The following NFIX variants were observed in gnomAD, a reference collection of about 807,000 sequenced individuals.
The protein encoded by NFIX is nuclear factor I X.
A neutral mutation model predicts 53.3 loss-of-function variants in NFIX; 2 were observed. The ratio of observed to expected loss-of-function variants is 0.04; its 90% CI spans 0.02 to 0.12. NFIX has a LOEUF of 0.12. Among genes scored for constraint, NFIX ranks in the 10% least tolerant of loss-of-function variants. The probability of loss-of-function intolerance (pLI) is 1.00; values close to 1 mark genes in which losing one functional copy is unlikely to be tolerated. For synonymous variants in NFIX, 244 were observed against 289.0 expected, an observed-to-expected ratio of 0.84 and a Z score of 1.58; for missense variants, 310 against 674.5, an observed-to-expected ratio of 0.46 and a Z score of 5.99.
chr19:13,024,779 G>A, intron 1 of NFIX: 2 of 1,484,222 alleles, frequency 1.3e-6, no homozygotes, highest in Non-Finnish European at 1.8e-6. Flanking sequence ...CGGTGCCTCT[G>A]TCTGGCTGCT....
In NFIX at chr19:13,009,033, A is replaced by T. The variant is rs1166637748; in HGVS notation, c.27+13169A>T. ...CAGTCCCAGTCCCACACACTGCCTCATCCCCACTCACAGTCAACGCCCGCA... is the reference window on the plus strand; with the variant it reads ...CAGTCCCAGTCCCACACACTGCCTCTTCCCCACTCACAGTCAACGCCCGCA... On this transcript the variant is annotated intron_variant, in intron 1 of 10. Coordinates refer to ENST00000592199, the MANE Select transcript of NFIX (RefSeq NM_001365902.3). The surrounding 1 kb of genome is among the most constrained non-coding windows in gnomAD (Gnocchi z 4.7). Among the ~76,000 whole-genome samples the T allele has an allele frequency of 6.6e-6, 1 of 152,154 alleles. No homozygotes were observed. The highest frequency in any genetic ancestry group is 1.5e-5 in the Non-Finnish European group (1 of 68,012).
intron 1 of NFIX, chr19:13,024,700 C>T (rs1404509058): frequency 2.6e-6 from 4 of 1,536,148 alleles, no homozygotes; most frequent in African/African-American, 1.4e-5. Flanking sequence ...TGGACGGCAA[C>T]GTTGTCTGTG....
chr19:13,077,222 C>T (rs1599852532), intron 6 of NFIX, among the ~76,000 whole-genome samples: 1 of 152,104 alleles, frequency 6.6e-6, no homozygotes, highest in South Asian at 2.1e-4. Flanking sequence ...GAGGAGCCCC[C>T]CTCTTCCTGG....
chr19:13,033,553 A>G (rs191871188), intron 2 of NFIX, among the ~76,000 whole-genome samples: 17 of 152,324 alleles, frequency 1.1e-4, no homozygotes, highest in Admixed American at 5.2e-4. Flanking sequence ...GGGACACCCA[A>G]TAACTTAAGG....
chr19:13,018,656 C>T (rs2012800714), intron 1 of NFIX, among the ~76,000 whole-genome samples: 1 of 152,166 alleles, frequency 6.6e-6, no homozygotes. Context: ...GAGGGGAGGC[C>T]CCACCCTCCT....
rs1213826607 is a variant in NFIX, at chr19:13,043,859, T to C, written c.559+18307T>C. Among the ~76,000 whole-genome samples the C allele has an allele frequency of 3.3e-5, 5 of 152,136 alleles. No homozygotes were observed. Among genetic ancestry groups the C allele is most frequent in the Non-Finnish European group, 7.4e-5 (5 of 68,016 alleles). On this transcript the variant is annotated intron_variant, in intron 2 of 10. Transcript: ENST00000592199. The surrounding 1 kb of genome is among the most constrained non-coding windows in gnomAD (Gnocchi z 4.0). ...GGGCCGTAGGGCCAGGTGTGGTGGC[T>C]CATACCTGTAATTCTAGCACTTTGG...
In NFIX at chr19:13,040,540, TCTC is replaced by T. The variant is rs1221939048; in HGVS notation, c.559+14992_559+14994del. On this transcript the variant is annotated intron_variant, in intron 2 of 10. Coordinates refer to ENST00000592199, the MANE Select transcript of NFIX (RefSeq NM_001365902.3). The surrounding 1 kb of genome is among the most constrained non-coding windows in gnomAD (Gnocchi z 4.2). Reference sequence around the variant, plus strand: ...TGAGGCTTTTCCTCGCCTCCCTCCCTCTCCTCAGGAGCCCTGGCCTCCAGGCTC... The same window carrying T: ...TGAGGCTTTTCCTCGCCTCCCTCCCTCTCAGGAGCCCTGGCCTCCAGGCTC... Among the ~76,000 whole-genome samples, 1 of 152,094 alleles carries T rather than the reference TCTC, an allele frequency of 6.6e-6. No individual in the cohort carries two copies. The highest frequency in any genetic ancestry group is 2.4e-5 in the African/African-American group (1 of 41,412).
Position 13,009,361 on chromosome 19 carries a change from C to T in NFIX, c.27+13497C>T, listed in dbSNP as rs1282897934. 3.3e-5 allele frequency among the ~76,000 whole-genome samples: 5 copies of T among 152,272 alleles called. No individual in the cohort carries two copies. Among genetic ancestry groups the T allele is most frequent in the South Asian group, 2.1e-4 (1 of 4,828 alleles). On this transcript the variant is annotated intron_variant, in intron 1 of 10. Transcript: ENST00000592199. This position sits in a 1 kb window ranked among gnomAD's most constrained non-coding sequence, Gnocchi z 4.7. The stretch of plus-strand genomic sequence containing the variant: ...GTGACCTCCTGTGACCCTCCCAACA[C>T]GAGGCAGGTATGAGTAACCTGTTTT...
Position 13,095,505 on chromosome 19 carries a change from G to C in NFIX, c.*856G>C, listed in dbSNP as rs2018391758. 1 of 152,284 alleles carries C rather than the reference G, an allele frequency of 6.6e-6. No homozygotes were observed. The highest frequency in any genetic ancestry group is 2.4e-5 in the African/African-American group (1 of 41,456). The allele number at this position is 152,284 out of a possible 1,614,324, so 9.4% of individuals were successfully genotyped here. ...TCCCCTCTCTCTGCAGGCCAGGAGG[G>C]CCTCCTTCCTGCCACGAGGGAGGGG... On this transcript the variant is annotated 3_prime_UTR_variant, in exon 11 of 11. Coordinates refer to ENST00000592199, the MANE Select transcript of NFIX (RefSeq NM_001365902.3).
intron 2 of NFIX, among the ~76,000 whole-genome samples, chr19:13,047,303 CT>C (rs1358402177): frequency 6.6e-6 from 1 of 151,808 alleles, no homozygotes; most frequent in Non-Finnish European, 1.5e-5. Flanking sequence ...CTTCAGGTAG[CT>C]TACCTATCCT....
At chr19:13,041,261 T>A (rs1216501477) in intron 2 of NFIX, among the ~76,000 whole-genome samples, 3 of 152,206 alleles carry the variant, frequency 2.0e-5, no homozygotes, top group Non-Finnish European at 4.4e-5. Context: ...GTGTGCCTGG[T>A]ACGTACAGTC....
At chr19:13,076,978 C>A (rs926328459) in intron 6 of NFIX, among the ~76,000 whole-genome samples, 1 of 152,104 alleles carries the variant, frequency 6.6e-6, no homozygotes, top group African/African-American at 2.4e-5. Flanking sequence ...CTCCTCGTGG[C>A]AGGCAGGGAC....
At position 13,095,050 on chromosome 19, in the gene NFIX, C is replaced by T; in HGVS notation, c.*401C>T. 5.2e-6 allele frequency: 1 copy of T among 192,262 alleles called. No individual in the cohort carries two copies. The highest frequency in any genetic ancestry group is 1.1e-5 in the Non-Finnish European group (1 of 92,122). 11.9% of individuals were successfully genotyped at this position (192,262 alleles called of 1,614,324 possible). A position where few individuals can be genotyped will look rare whatever the true frequency, so the allele number is the denominator to read the frequency against. ...CAGCACAATTCTGAAGGGGCCTGGC[C>T]TCCACCCTCACCCCTTCCTAGGGGA... On this transcript the variant is annotated 3_prime_UTR_variant, in exon 11 of 11. Transcript: ENST00000592199.
intron 2 of NFIX, among the ~76,000 whole-genome samples, chr19:13,030,793 C>T: frequency 6.6e-6 from 1 of 152,188 alleles, no homozygotes; most frequent in East Asian, 1.9e-4. Flanking sequence ...ACATAATTTT[C>T]AGGGCCTTCC....
rs958431596 is a variant in NFIX, at chr19:13,013,390, G to A, written c.28-11631G>A. ...CCCGTCCCCAGTCCCCTCGGAAGCC[G>A]GTCATAAACCCGACTTCTCATCACC... On this transcript the variant is annotated intron_variant, in intron 1 of 10. Transcript: ENST00000592199. The surrounding 1 kb of genome is among the most constrained non-coding windows in gnomAD (Gnocchi z 5.9). Among the ~76,000 whole-genome samples the A allele has an allele frequency of 6.6e-6, 1 of 152,116 alleles. No individual in the cohort carries two copies. Among genetic ancestry groups the A allele is most frequent in the African/African-American group, 2.4e-5 (1 of 41,422 alleles).
chr19:13,030,961 T>G (rs908201875), intron 2 of NFIX, among the ~76,000 whole-genome samples: 10 of 152,214 alleles, frequency 6.6e-5, no homozygotes, highest in African/African-American at 2.4e-4. Context: ...CACCTTTGTT[T>G]TGGACATTCG....
In NFIX at chr19:13,073,064, A is replaced by G; in HGVS notation, c.577A>G (p.Ser193Gly). ...VHTPESGQSD[S>G]SNQQGDADIK... ...TCCTGCAGAATCCGGACAATCAGATAGTTCAAACCAGCAAGGAGATGCGGA... is the reference window on the plus strand; with the variant it reads ...TCCTGCAGAATCCGGACAATCAGATGGTTCAAACCAGCAAGGAGATGCGGA... Residue 193 changes from serine (S) to glycine (G), a missense_variant, in exon 3 of 11, where the codon AGT (serine) becomes GGT (glycine). Around this residue, in one of 5 missense-constraint regions of NFIX, gnomAD observed 164 missense variants for 284.4 expected, o/e 0.58. Coordinates refer to ENST00000592199, the MANE Select transcript of NFIX (RefSeq NM_001365902.3). The surrounding 1 kb of genome is among the most constrained non-coding windows in gnomAD (Gnocchi z 4.5). The G allele has an allele frequency of 1.9e-6, 3 of 1,613,972 alleles. No homozygotes were observed. Among genetic ancestry groups the G allele is most frequent in the Non-Finnish European group, 2.5e-6 (3 of 1,179,866 alleles).
rs1004146441 is a variant in NFIX, at chr19:12,996,668, C to T, written c.27+804C>T. On this transcript the variant is annotated intron_variant, in intron 1 of 10. Coordinates refer to ENST00000592199, the MANE Select transcript of NFIX (RefSeq NM_001365902.3). This position sits in a 1 kb window ranked among gnomAD's most constrained non-coding sequence, Gnocchi z 5.2. ...CCGGGCTGCTGCGGAGTGGACCCGG[C>T]AGGCCTGGGGAATCCCGTCCCGTCG... 2.6e-5 allele frequency among the ~76,000 whole-genome samples: 4 copies of T among 152,204 alleles called. No homozygotes were observed. Among genetic ancestry groups the T allele is most frequent in the African/African-American group, 9.6e-5 (4 of 41,458 alleles).
chr19:13,024,113 C>CAAAAAAAAAAAAAA, intron 1 of NFIX: 1 of 412,068 alleles, frequency 2.4e-6, no homozygotes, highest in Non-Finnish European at 4.1e-6. Flanking sequence ...AGCAAACAAC[C>CAAAAAAAAAAAAAA]AAAAAAAAAA....
Sources: allele counts gnomAD v4.1 joint callset (sites outside exome capture counted in the v4.1 genomes callset), GRCh38; gene constraint gnomAD v4.1.1; regional missense constraint gnomAD v4.1.1; non-coding constraint Gnocchi (gnomAD v3.1); transcripts MANE v1.5; gene names NCBI Gene and HGNC (gene_info 2026-07-23, HGNC 2026-07-21).